Variants in MS4A1 observed in about 807,000 individuals in gnomAD.
The protein encoded by MS4A1 is B-lymphocyte antigen CD20.
Under a neutral mutation model 26.5 loss-of-function variants are expected in MS4A1, and 16 were observed. The observed-to-expected ratio is 0.60, with a 90% confidence interval of 0.41 to 0.92. The LOEUF is 0.92. MS4A1 is among the 40% of genes least tolerant of loss of function. MS4A1 has a pLI of 0.00. For synonymous variants in MS4A1, 128 were observed against 117.6 expected (o/e 1.09, Z -0.57); for missense variants, 350 against 353.0 (o/e 0.99, Z 0.07).
At chr11:60,462,010 T>C (rs2086251871) in intron 2 of MS4A1, among the ~76,000 whole-genome samples, 175 bp from the exon 3 acceptor site, 1 of 152,188 alleles carries the variant, frequency 6.6e-6, no homozygotes, top group African/African-American at 2.4e-5. Context: ...CATTTTTCAA[T>C]ATTAAAGCAA....
chr11:60,465,566 A>G (rs753177134), intron 5 of MS4A1, among the ~76,000 whole-genome samples: 5 of 152,242 alleles, frequency 3.3e-5, no homozygotes, highest in Admixed American at 2.6e-4. Context: ...AATAAACTGG[A>G]TAATATTTAT....
Position 60,462,438 on chromosome 11 carries a change from G to A in MS4A1, c.64G>A (p.Ala22Thr), listed in dbSNP as rs779510338. The change falls in exon 3 of 8, where the codon GCT (alanine) becomes ACT (threonine). Residue 22 changes from alanine to threonine, a missense_variant. Transcript: ENST00000345732. ...GGCAGAGCCAATGAAAGGCCCTATT[G>A]CTATGCAATCTGGTCCAAAACCACT... ...FPAEPMKGPI[A>T]MQSGPKPLFR... The A allele has an allele frequency of 6.2e-7, 1 of 1,614,170 alleles. No individual in the cohort carries two copies. The highest frequency in any genetic ancestry group is 8.5e-7 in the Non-Finnish European group (1 of 1,180,022).
Position 60,470,372 on chromosome 11 carries a change from T to C in MS4A1, c.*1904T>C, listed in dbSNP as rs200512906. 1.3e-5 allele frequency: 2 copies of C among 151,982 alleles called. No homozygotes were observed. The highest frequency in any genetic ancestry group is 2.9e-5 in the Non-Finnish European group (2 of 67,890). 9.4% of individuals were successfully genotyped at this position (151,982 alleles called of 1,614,324 possible). A position where few individuals can be genotyped will look rare whatever the true frequency, so the allele number is the denominator to read the frequency against. On this transcript the variant is annotated 3_prime_UTR_variant, in exon 8 of 8. Transcript: ENST00000345732. Reference sequence around the variant, plus strand: ...TGAAAGTCAGAAATCTTTAAAAAAATACAAGATCTTATTTCTATCTTATTT... The same window carrying C: ...TGAAAGTCAGAAATCTTTAAAAAAACACAAGATCTTATTTCTATCTTATTT...
intron 1 of MS4A1, among the ~76,000 whole-genome samples, 175 bp downstream of exon 1, chr11:60,456,120 C>T (rs2086201358): frequency 1.3e-5 from 2 of 152,140 alleles, no homozygotes; most frequent in Non-Finnish European, 2.9e-5. Context: ...TGCCCACTCA[C>T]TCCTCTAATC....
chr11:60,459,188 A>T (rs1316997290), intron 1 of MS4A1, among the ~76,000 whole-genome samples: 3 of 152,242 alleles, frequency 2.0e-5, no homozygotes, highest in Admixed American at 2.0e-4. Flanking sequence ...ATTTTAAGTT[A>T]TCTTCACTAA....
rs1565195340 is a variant in MS4A1, at chr11:60,466,693, A to T, written c.574-266A>T. ...ACTCATTACTTATTCTTTCCTATACAGAATTGATTCTTCAACTGATTATTC... is the reference window on the plus strand; with the variant it reads ...ACTCATTACTTATTCTTTCCTATACTGAATTGATTCTTCAACTGATTATTC... On this transcript the variant is annotated intron_variant, in intron 6 of 7. Transcript: ENST00000345732. The T allele has an allele frequency of 3.2e-5, 15 of 475,048 alleles. No individual in the cohort carries two copies. The East Asian group carries it at 6.4e-4, about 20-fold the overall frequency. The allele number at this position is 475,048 out of a possible 1,614,324, so 29.4% of individuals were successfully genotyped here.
Position 60,466,996 on chromosome 11 carries a change from AG to A in MS4A1, c.613del (p.Glu205AsnfsTer3). 6.2e-7 allele frequency: 1 copy of A among 1,614,160 alleles called. No homozygotes were observed. Among genetic ancestry groups the A allele is most frequent in the Non-Finnish European group, 8.5e-7 (1 of 1,180,032 alleles). ...LSVMLIFAFFQELVIAGIVEN... is the reference protein window; with the variant it reads ...LSVMLIFAFFXELVIAGIVEN... ...GTGATGCTGATCTTTGCCTTCTTCC[AG>A]GAACTTGTAATAGCTGGCATCGTTG... On this transcript the variant is annotated frameshift_variant, in exon 7 of 8. Coordinates refer to ENST00000345732, the MANE Select transcript of MS4A1 (RefSeq NM_152866.3). LOFTEE classifies it high-confidence loss of function.
Position 60,465,999 on chromosome 11 carries a change from C to T in MS4A1, c.415C>T (p.Leu139Phe), listed in dbSNP as rs1222483608. The change falls in exon 6 of 8, where the codon CTT becomes TTT. Residue 139 changes from leucine (L) to phenylalanine (F), a missense_variant. Coordinates refer to ENST00000345732, the MANE Select transcript of MS4A1 (RefSeq NM_152866.3). ...AATGATTCTTTCAATCATGGACATA[C>T]TTAATATTAAAATTTCCCATTTTTT... ...SGMILSIMDILNIKISHFLKM... is the reference protein window; with the variant it reads ...SGMILSIMDIFNIKISHFLKM... The T allele has an allele frequency of 1.2e-6, 2 of 1,613,766 alleles. No homozygotes were observed. The highest frequency in any genetic ancestry group is 1.1e-5 in the South Asian group (1 of 91,046).
intron 2 of MS4A1, among the ~76,000 whole-genome samples, chr11:60,461,406 G>A (rs1181671161): frequency 6.6e-6 from 1 of 150,990 alleles, no homozygotes; most frequent in African/African-American, 2.4e-5. Flanking sequence ...GAGGCCCAGA[G>A]AATTTAAAGA....
rs186409966 is a variant in MS4A1, at chr11:60,468,566, C to T, written c.*98C>T. On this transcript the variant is annotated 3_prime_UTR_variant, in exon 8 of 8. Coordinates refer to ENST00000345732, the MANE Select transcript of MS4A1 (RefSeq NM_152866.3). ...CATTTCTTGAGGTACTCTGCACATA[C>T]GCACCACATCTCTATCTGGCCTTTG... 4.0e-5 allele frequency: 42 copies of T among 1,059,950 alleles called. 1 individual carries two copies. Among genetic ancestry groups the T allele is most frequent in the South Asian group, 2.7e-4 (20 of 74,438 alleles). The allele number at this position is 1,059,950 out of a possible 1,614,324, so 65.7% of individuals were successfully genotyped here.
rs2086334367 is a variant in MS4A1, at chr11:60,470,405, T to C, written c.*1937T>C. On this transcript the variant is annotated 3_prime_UTR_variant, in exon 8 of 8. Transcript: ENST00000345732. Reference sequence around the variant, plus strand: ...CTTATTTCTATCTTATTTTTTCTCCTCTTCTGAAATATATATGAGGATTCC... The same window carrying C: ...CTTATTTCTATCTTATTTTTTCTCCCCTTCTGAAATATATATGAGGATTCC... 6.6e-6 allele frequency: 1 copy of C among 152,040 alleles called. No homozygotes were observed. The highest frequency in any genetic ancestry group is 2.4e-5 in the African/African-American group (1 of 41,430). The allele number at this position is 152,040 out of a possible 1,614,324, so 9.4% of individuals were successfully genotyped here.
rs1054813536 is a variant in MS4A1, at chr11:60,462,371, C to T, written c.-4C>T. The stretch of plus-strand genomic sequence containing the variant: ...GTTTTATTTTTAGGAGTTTTGAGAG[C>T]AAAATGACAACACCCAGAAATTCAG... On this transcript the variant is annotated 5_prime_UTR_variant, in exon 3 of 8. Coordinates refer to ENST00000345732, the MANE Select transcript of MS4A1 (RefSeq NM_152866.3). 4.4e-5 allele frequency: 71 copies of T among 1,614,020 alleles called. No homozygotes were observed. Among genetic ancestry groups the T allele is most frequent in the Non-Finnish European group, 5.8e-5 (69 of 1,180,016 alleles).
intron 1 of MS4A1, among the ~76,000 whole-genome samples, chr11:60,457,201 G>A (rs2086211395): frequency 6.6e-6 from 1 of 152,102 alleles, no homozygotes; most frequent in Admixed American, 6.6e-5. Context: ...GAGGGAGGGA[G>A]AAGGAACACT....
At position 60,457,733 on chromosome 11, in the gene MS4A1, A is replaced by T. The variant is rs564038054; in HGVS notation, c.-280+1788A>T. On this transcript the variant is annotated intron_variant, in intron 1 of 7. Transcript: ENST00000345732. Reference sequence around the variant, plus strand: ...GAAAAGACCACTGACTTCACAGCACAGTCCTCAAAGACCAGTTTCAGTCCA... The same window carrying T: ...GAAAAGACCACTGACTTCACAGCACTGTCCTCAAAGACCAGTTTCAGTCCA... Among the ~76,000 whole-genome samples the T allele has an allele frequency of 2.0e-5, 3 of 152,334 alleles. No homozygotes were observed. The South Asian group carries it at 6.2e-4, about 32-fold the overall frequency.
At chr11:60,456,469 T>C (rs2086204217) in intron 1 of MS4A1, among the ~76,000 whole-genome samples, 1 of 152,222 alleles carries the variant, frequency 6.6e-6, no homozygotes, top group Non-Finnish European at 1.5e-5. Flanking sequence ...TTGTCTACAT[T>C]AAATGTAAAT....
rs1490705931 is a variant in MS4A1, at chr11:60,470,624, C to G, written c.*2156C>G. The G allele has an allele frequency of 6.6e-6, 1 of 151,826 alleles. No homozygotes were observed. The highest frequency in any genetic ancestry group is 2.4e-5 in the African/African-American group (1 of 41,390). 9.4% of individuals were successfully genotyped at this position (151,826 alleles called of 1,614,324 possible). ...TATAGAGTCAAATAATAACATTGAC[C>G]AATAGTAAACATGCTTTGCCAAGAA... On this transcript the variant is annotated 3_prime_UTR_variant, in exon 8 of 8. Coordinates refer to ENST00000345732, the MANE Select transcript of MS4A1 (RefSeq NM_152866.3).
intron 5 of MS4A1, 65 bp from the exon 6 acceptor site, chr11:60,465,856 C>T (rs1304894306): frequency 7.8e-7 from 1 of 1,284,920 alleles, no homozygotes. Flanking sequence ...TTTGGAATTC[C>T]CTCCCAGATT....
chr11:60,466,082 C>G lies in MS4A1; in HGVS notation c.498C>G (p.Asn166Lys). 6.2e-7 allele frequency: 1 copy of G among 1,613,984 alleles called. No individual in the cohort carries two copies. Among genetic ancestry groups the G allele is most frequent in the African/African-American group, 1.3e-5 (1 of 75,050 alleles). Residue 166 changes from asparagine (N) to lysine (K), a missense_variant, in exon 6 of 8, where the codon AAC becomes AAG. By Grantham distance (94) the Asn-to-Lys change is moderately conservative (BLOSUM62 0). Transcript: ENST00000345732. ...ACACACCATATATTAACATATACAA[C>G]TGTGAACCAGCTAATCCCTCTGAGA... ...RAHTPYINIY[N>K]CEPANPSEKN...
chr11:60,459,630 G>C (rs961497944), intron 1 of MS4A1, among the ~76,000 whole-genome samples: 1 of 152,134 alleles, frequency 6.6e-6, no homozygotes, highest in African/African-American at 2.4e-5. Context: ...TCTTTAGTGG[G>C]CTATATTAAA....
Sources: allele counts gnomAD v4.1 joint callset (sites outside exome capture counted in the v4.1 genomes callset), GRCh38; gene constraint gnomAD v4.1.1; transcripts MANE v1.5; gene names NCBI Gene and HGNC (gene_info 2026-07-23, HGNC 2026-07-21).